The following PADI2 variants were observed in gnomAD, a reference collection of about 807,000 sequenced individuals.
PADI2 encodes peptidyl arginine deiminase 2.
A neutral mutation model predicts 81.1 loss-of-function variants in PADI2; 70 were observed. The ratio of observed to expected loss-of-function variants is 0.86; its 90% CI spans 0.71 to 1.05. The LOEUF is 1.05. Among genes scored for constraint, PADI2 ranks in the 50% least tolerant of loss-of-function variants. The probability of loss-of-function intolerance (pLI) is 0.00; values close to 1 mark genes in which losing one functional copy is unlikely to be tolerated. For synonymous variants in PADI2, 338 were observed against 358.0 expected, an observed-to-expected ratio of 0.94 and a Z score of 0.63; for missense variants, 853 against 889.9, an observed-to-expected ratio of 0.96 and a Z score of 0.53.
At chr1:17,103,401 T>C (rs934347308) in intron 2 of PADI2, among the ~76,000 whole-genome samples, 1 of 152,090 alleles carries the variant, frequency 6.6e-6, no homozygotes, top group Non-Finnish European at 1.5e-5. Flanking sequence ...GCTATTTTCT[T>C]TGGACCATGT....
At chr1:17,072,920 A>G (rs1037964696) in intron 13 of PADI2, among the ~76,000 whole-genome samples, 1 of 152,166 alleles carries the variant, frequency 6.6e-6, no homozygotes, top group Admixed American at 6.5e-5. Flanking sequence ...TGCCAATCCA[A>G]GAACAAACTT....
At chr1:17,110,261 C>T (rs1233501157) in intron 1 of PADI2, among the ~76,000 whole-genome samples, 1 of 151,692 alleles carries the variant, frequency 6.6e-6, no homozygotes, top group African/African-American at 2.4e-5. Context: ...AGGGAGGGGG[C>T]TTGGGGGTGG....
chr1:17,084,896 G>A (rs543590941), intron 7 of PADI2, among the ~76,000 whole-genome samples, 194 bp from the exon 8 acceptor site: 43 of 152,376 alleles, frequency 2.8e-4, no homozygotes, highest in Non-Finnish European at 3.4e-4. Flanking sequence ...GGTAGATACT[G>A]CTATGATCCT....
At chr1:17,083,572 T>TA in intron 9 of PADI2, 154 bp downstream of exon 9, 1 of 616,556 alleles carries the variant, frequency 1.6e-6, no homozygotes. Context: ...AGTGCACTTG[T>TA]ATGTTTATGT....
chr1:17,109,793 G>A (rs979934062), intron 1 of PADI2, among the ~76,000 whole-genome samples: 2 of 152,140 alleles, frequency 1.3e-5, no homozygotes, highest in African/African-American at 4.8e-5. Flanking sequence ...GCCTGACCCA[G>A]AGCCACTATT....
At chr1:17,090,317 C>T (rs1317733870) in intron 6 of PADI2, among the ~76,000 whole-genome samples, 13 of 152,336 alleles carry the variant, frequency 8.5e-5, no homozygotes, top group East Asian at 1.9e-4. Flanking sequence ...TCCCATGCCA[C>T]GTCAGAGATG....
chr1:17,080,356 C>A (rs2101580482), intron 10 of PADI2, among the ~76,000 whole-genome samples: 1 of 152,292 alleles, frequency 6.6e-6, no homozygotes, highest in East Asian at 1.9e-4. Flanking sequence ...ACAGGAGCCC[C>A]CACGTGTGTC....
At chr1:17,089,480 G>A (rs1320517272) in intron 6 of PADI2, among the ~76,000 whole-genome samples, 1 of 152,212 alleles carries the variant, frequency 6.6e-6, no homozygotes, top group Non-Finnish European at 1.5e-5. Context: ...GCACCTGGGG[G>A]GCTCCACCAA....
chr1:17,071,928 G>A (rs1570974242), intron 13 of PADI2, among the ~76,000 whole-genome samples: 1 of 152,210 alleles, frequency 6.6e-6, no homozygotes, highest in Non-Finnish European at 1.5e-5. Context: ...GGAGTGGCCT[G>A]CGTTTTCCTC....
At position 17,075,599 on chromosome 1, in the gene PADI2, C is replaced by G; in HGVS notation, c.1455+80G>C. ...TTTATGCTGTCGAGTTCCTCTAGCTCTTGCCCTCTGCTGGCAGGGGCGGGT... is the reference window on the plus strand; with the variant it reads ...TTTATGCTGTCGAGTTCCTCTAGCTGTTGCCCTCTGCTGGCAGGGGCGGGT... On this transcript the variant is annotated intron_variant, in intron 12 of 15. Transcript: ENST00000375486. 3.8e-6 allele frequency: 5 copies of G among 1,327,744 alleles called. No individual in the cohort carries two copies. In the South Asian group the frequency reaches 6.7e-5, roughly 18 times the overall value. The allele number at this position is 1,327,744 out of a possible 1,614,324, so 82.2% of individuals were successfully genotyped here.
At chr1:17,071,795 T>C (rs1007845632) in intron 13 of PADI2, among the ~76,000 whole-genome samples, 4 of 152,110 alleles carry the variant, frequency 2.6e-5, no homozygotes, top group African/African-American at 9.7e-5. Context: ...GCCCCCTGGT[T>C]CTCCCACCTA....
intron 13 of PADI2, among the ~76,000 whole-genome samples, chr1:17,073,678 G>A (rs191420857): frequency 2.0e-4 from 31 of 152,162 alleles, no homozygotes; most frequent in Admixed American, 7.2e-4. Context: ...CAGTACCTGC[G>A]TGATGGGATC....
At chr1:17,077,071 T>C (rs2078309427) in intron 11 of PADI2, among the ~76,000 whole-genome samples, 2 of 152,142 alleles carry the variant, frequency 1.3e-5, no homozygotes, top group African/African-American at 4.8e-5. Context: ...CCTTGGGGCT[T>C]TTCCCTTTGC....
chr1:17,075,925 A>G (rs2647204), intron 11 of PADI2, 102 bp from the exon 12 acceptor site: 385,386 of 1,071,924 alleles, frequency 0.36, 70,362 homozygotes, highest in East Asian at 0.58. Flanking sequence ...CCAGAGTGAC[A>G]TCAGCAGAGA....
Position 17,086,697 on chromosome 1 carries a change from G to C in PADI2, c.658C>G (p.Pro220Ala). 6.2e-7 allele frequency: 1 copy of C among 1,613,044 alleles called. No homozygotes were observed. Among genetic ancestry groups the C allele is most frequent in the Non-Finnish European group, 8.5e-7 (1 of 1,179,420 alleles). Residue 220 changes from proline to alanine, a missense_variant and splice_region_variant, in exon 7 of 16, where the codon CCG becomes GCG. Pro to Ala is a conservative substitution (Grantham distance 27). Coordinates refer to ENST00000375486, the MANE Select transcript of PADI2 (RefSeq NM_007365.3). The stretch of plus-strand genomic sequence containing the variant: ...TGGATATAGCGTTGGCCGAAGAACG[G>C]GTCTGGAGGGAAAAGGACCAACGTC... ...DKVGVFYVEN[P>A]FFGQRYIHIL...
chr1:17,086,248 C>CCAGG (rs779465780), intron 7 of PADI2, among the ~76,000 whole-genome samples: 81 of 152,234 alleles, frequency 5.3e-4, no homozygotes, highest in Non-Finnish European at 9.7e-4. Context: ...GCAGGGCAGG[C>CCAGG]CAGGACACAG....
rs1185078715 is a variant in PADI2, at chr1:17,067,780, G to T, written c.*1264C>A. The T allele has an allele frequency of 6.6e-6, 1 of 152,216 alleles. No homozygotes were observed. The allele number at this position is 152,216 out of a possible 1,614,324, so 9.4% of individuals were successfully genotyped here. A position where few individuals can be genotyped will look rare whatever the true frequency, so the allele number is the denominator to read the frequency against. ...CCAAATGAAAATCTTGTTCCTCCAA[G>T]AATATAAATTACATTATAACCTTTT... On this transcript the variant is annotated 3_prime_UTR_variant, in exon 16 of 16. Coordinates refer to ENST00000375486, the MANE Select transcript of PADI2 (RefSeq NM_007365.3).
intron 7 of PADI2, 126 bp from the exon 8 acceptor site, chr1:17,084,828 C>A: frequency 4.8e-6 from 3 of 624,294 alleles, no homozygotes; most frequent in South Asian, 1.9e-5. Flanking sequence ...ATGCACCAAG[C>A]CTGTGCTAAG....
intron 12 of PADI2, 46 bp downstream of exon 12, chr1:17,075,633 G>A: frequency 6.5e-7 from 1 of 1,549,212 alleles, no homozygotes; most frequent in Non-Finnish European, 8.8e-7. Context: ...GTAATATATT[G>A]GTTTGCTGCT....
Sources: allele counts gnomAD v4.1 joint callset (sites outside exome capture counted in the v4.1 genomes callset), GRCh38; gene constraint gnomAD v4.1.1; transcripts MANE v1.5; gene names NCBI Gene and HGNC (gene_info 2026-07-23, HGNC 2026-07-21).